Variants in LRRC20 observed in about 807,000 individuals in gnomAD.
LRRC20 encodes the protein leucine rich repeat containing 20.
A neutral mutation model predicts 14.4 loss-of-function variants in LRRC20; 11 were observed. The observed-to-expected ratio is 0.77, with a 90% CI of 0.48 to 1.27. The LOEUF (loss-of-function observed/expected upper bound fraction) is 1.27. Ranked by LOEUF, LRRC20 falls within the 50% of genes most tolerant of loss-of-function variation. The probability of loss-of-function intolerance (pLI) is 0.00; values close to 1 mark genes in which losing one functional copy is unlikely to be tolerated. For missense variants in LRRC20, 219 were observed against 251.2 expected (o/e 0.87, Z 0.87); for synonymous variants, 121 against 107.3 (o/e 1.13, Z -0.79).
chr10:70,312,720 C>T (rs893430784), intron 4 of LRRC20, among the ~76,000 whole-genome samples: 3 of 152,156 alleles, frequency 2.0e-5, no homozygotes, highest in Admixed American at 1.3e-4. Context: ...CAGGCAAGCC[C>T]CTTCACATCT....
chr10:70,313,537 A>G (rs541841439), intron 4 of LRRC20, among the ~76,000 whole-genome samples: 1 of 152,300 alleles, frequency 6.6e-6, no homozygotes, highest in South Asian at 2.1e-4. Flanking sequence ...AGCTGACTCC[A>G]TCTTGCTTCT....
chr10:70,344,387 A>G (rs1843008591), intron 2 of LRRC20, among the ~76,000 whole-genome samples: 1 of 152,202 alleles, frequency 6.6e-6, no homozygotes, highest in Non-Finnish European at 1.5e-5. Context: ...GGTCTCAGCA[A>G]AGCGGCTAAT....
intron 4 of LRRC20, among the ~76,000 whole-genome samples, chr10:70,316,120 T>G (rs886381443): frequency 6.6e-6 from 1 of 152,116 alleles, no homozygotes; most frequent in Non-Finnish European, 1.5e-5. Flanking sequence ...CGTTTTATTT[T>G]TTAATTTAAT....
chr10:70,372,255 T>C (rs1226436673), intron 2 of LRRC20, among the ~76,000 whole-genome samples: 1 of 152,164 alleles, frequency 6.6e-6, no homozygotes, highest in African/African-American at 2.4e-5. Context: ...ATACGTTCAT[T>C]ATAGAACATT....
At chr10:70,314,714 A>G (rs899736137) in intron 4 of LRRC20, among the ~76,000 whole-genome samples, 8 of 152,028 alleles carry the variant, frequency 5.3e-5, no homozygotes, top group African/African-American at 1.9e-4. Context: ...TAATGAGAGA[A>G]TCTGGTGAAA....
chr10:70,372,519 G>A (rs1305814040), intron 2 of LRRC20, among the ~76,000 whole-genome samples: 7 of 145,856 alleles, frequency 4.8e-5, no homozygotes, highest in Non-Finnish European at 8.9e-5. Flanking sequence ...TCAGCTCACT[G>A]CAGGCTCCAC....
intron 2 of LRRC20, among the ~76,000 whole-genome samples, chr10:70,344,207 GAAAAGAAAATAAAA>G (rs1410668601): frequency 2.6e-5 from 4 of 151,866 alleles, no homozygotes; most frequent in African/African-American, 9.7e-5. Flanking sequence ...CTGAAAAAAA[GAAAAGAAAATAAAA>G]AAAAGAAAAG....
At chr10:70,377,085 A>G (rs1045769107) in intron 1 of LRRC20, among the ~76,000 whole-genome samples, 4 of 152,216 alleles carry the variant, frequency 2.6e-5, no homozygotes, top group African/African-American at 9.7e-5. Context: ...TGCCTTGTGC[A>G]TGGCAGGAAG....
At chr10:70,371,011 C>T (rs998458958) in intron 2 of LRRC20, among the ~76,000 whole-genome samples, 9 of 151,874 alleles carry the variant, frequency 5.9e-5, no homozygotes, top group African/African-American at 2.2e-4. Context: ...CAGAGCAAGA[C>T]CTTGTTTCTA....
At chr10:70,311,963 T>C (rs1841684334) in intron 4 of LRRC20, among the ~76,000 whole-genome samples, 1 of 152,134 alleles carries the variant, frequency 6.6e-6, no homozygotes, top group African/African-American at 2.4e-5. Context: ...TATTGACAGG[T>C]AAACTTGTTT....
chr10:70,323,941 G>T lies in LRRC20; in HGVS notation c.322C>A (p.Gln108Lys). 1 of 1,614,186 alleles carries T rather than the reference G, an allele frequency of 6.2e-7. No homozygotes were observed. The highest frequency in any genetic ancestry group is 8.5e-7 in the Non-Finnish European group (1 of 1,180,006). Residue 108 changes from glutamine to lysine, a missense_variant, in exon 4 of 5, where the codon CAG (glutamine) becomes AAG (lysine). By Grantham distance (53) the Gln-to-Lys change is moderately conservative. Transcript: ENST00000446961. ...AGCTGCTCAGGGAAGTCCTGGAACT[G>T]GTTCCGGGACAGGTCAATGGCCTTG... ...HLKAIDLSRN[Q>K]FQDFPEQLTA...
chr10:70,371,149 C>G (rs1292893778), intron 2 of LRRC20, among the ~76,000 whole-genome samples: 1 of 151,630 alleles, frequency 6.6e-6, no homozygotes, highest in Non-Finnish European at 1.5e-5. Context: ...TATATTATAT[C>G]AGATTTTTTA....
At position 70,323,945 on chromosome 10, in the gene LRRC20, C is replaced by A. The variant is rs149844755; in HGVS notation, c.318G>T (p.Arg106=). 5 of 1,614,076 alleles carry A rather than the reference C, an allele frequency of 3.1e-6. No homozygotes were observed. Among genetic ancestry groups the A allele is most frequent in the Non-Finnish European group, 1.7e-6 (2 of 1,180,036 alleles). Residue 106 remains arginine, a synonymous_variant, in exon 4 of 5, where the codon CGG becomes CGT. Transcript: ENST00000446961. ...LQHLKAIDLS[R]NQFQDFPEQL... Reference sequence around the variant, plus strand: ...GCTCAGGGAAGTCCTGGAACTGGTTCCGGGACAGGTCAATGGCCTTGAGGT... The same window carrying A: ...GCTCAGGGAAGTCCTGGAACTGGTTACGGGACAGGTCAATGGCCTTGAGGT...
intron 3 of LRRC20, among the ~76,000 whole-genome samples, chr10:70,328,960 G>A (rs903463024): frequency 6.6e-6 from 1 of 152,170 alleles, no homozygotes; most frequent in Non-Finnish European, 1.5e-5. Flanking sequence ...CCTGGATTAT[G>A]GAACCTTTGC....
At chr10:70,308,159 C>T (rs952232757) in intron 4 of LRRC20, among the ~76,000 whole-genome samples, 3 of 152,222 alleles carry the variant, frequency 2.0e-5, no homozygotes, top group African/African-American at 2.4e-5. Context: ...ATTTGGCCTC[C>T]GCTGAGAGCA....
At chr10:70,358,077 A>G (rs1322832657) in intron 2 of LRRC20, among the ~76,000 whole-genome samples, 1 of 152,222 alleles carries the variant, frequency 6.6e-6, no homozygotes, top group Non-Finnish European at 1.5e-5. Flanking sequence ...AGAGTTTGAC[A>G]TCTTCTTGAG....
rs923871305 is a variant in LRRC20 at position 70,301,199 on chromosome 10, G to T, written c.*155C>A. On this transcript the variant is annotated 3_prime_UTR_variant, in exon 5 of 5. Transcript: ENST00000446961. The stretch of plus-strand genomic sequence containing the variant: ...ATTCCAGAGCCCACTACTGCTGTAA[G>T]CTATCTATCCAGACCAGCTGCACCC... 1 of 1,419,842 alleles carries T rather than the reference G, an allele frequency of 7.0e-7. No homozygotes were observed. The highest frequency in any genetic ancestry group is 9.2e-7 in the Non-Finnish European group (1 of 1,090,572). 88.0% of individuals were successfully genotyped at this position (1,419,842 alleles called of 1,614,324 possible). A position where few individuals can be genotyped will look rare whatever the true frequency, so the allele number is the denominator to read the frequency against.
At chr10:70,326,604 C>T (rs540656189) in intron 3 of LRRC20, among the ~76,000 whole-genome samples, 1 of 152,218 alleles carries the variant, frequency 6.6e-6, no homozygotes, top group East Asian at 1.9e-4. Context: ...CACGCAAACC[C>T]AGGCTTCCCC....
At chr10:70,363,353 C>T (rs887529141) in intron 2 of LRRC20, among the ~76,000 whole-genome samples, 2 of 151,928 alleles carry the variant, frequency 1.3e-5, no homozygotes, top group African/African-American at 4.8e-5. Flanking sequence ...GAAGAAACCC[C>T]AGAAAAGTCT....
Sources: allele counts gnomAD v4.1 joint callset (sites outside exome capture counted in the v4.1 genomes callset), GRCh38; gene constraint gnomAD v4.1.1; transcripts MANE v1.5; gene names NCBI Gene and HGNC (gene_info 2026-07-23, HGNC 2026-07-21).